AUTS2: variants seen among roughly 807,000 people sequenced by gnomAD.
The protein encoded by AUTS2 is activator of transcription and developmental regulator AUTS2.
Under a neutral mutation model 112.4 loss-of-function variants are expected in AUTS2, and 17 were observed. That is an observed-to-expected ratio of 0.15 (90% CI 0.10 to 0.23). The LOEUF (loss-of-function observed/expected upper bound fraction) is 0.23, where lower values mean the gene tolerates loss of function less well. Ranked by LOEUF, AUTS2 falls within the 10% of genes least tolerant of loss-of-function variation. The probability of loss-of-function intolerance (pLI) is 1.00; values close to 1 mark genes in which losing one functional copy is unlikely to be tolerated. For synonymous variants in AUTS2, 751 were observed against 702.7 expected (o/e 1.07, Z -1.09); for missense variants, 1,510 against 1,701.6 (o/e 0.89, Z 1.98).
intron 2 of AUTS2, among the ~76,000 whole-genome samples, chr7:70,052,294 G>A (rs1183717442): frequency 6.6e-6 from 1 of 152,042 alleles, no homozygotes; most frequent in African/African-American, 2.4e-5. Context: ...TGGCCAAGGG[G>A]GAATGACAGG....
rs566900864 is a variant in AUTS2, at chr7:69,613,416, TTC to T, written c.309+13458_309+13459del. 1.8e-4 allele frequency among the ~76,000 whole-genome samples: 27 copies of T among 152,362 alleles called. 1 individual carries two copies. The South Asian group carries it at 3.7e-3, about 21-fold the overall frequency. ...TCTGTAACATATTCGTTGTTGTTTTTTCTCTGTTTCACTGTTTCTCCCTGTTA... is the reference window on the plus strand; with the variant it reads ...TCTGTAACATATTCGTTGTTGTTTTTTCTGTTTCACTGTTTCTCCCTGTTA... On this transcript the variant is annotated intron_variant, in intron 1 of 18. Coordinates refer to ENST00000342771, the MANE Select transcript of AUTS2 (RefSeq NM_015570.4).
chr7:70,356,752 A>G (rs969771253), intron 4 of AUTS2, among the ~76,000 whole-genome samples: 4 of 139,234 alleles, frequency 2.9e-5, no homozygotes, highest in Non-Finnish European at 6.1e-5. Flanking sequence ...GTTTTGTACC[A>G]CACTGAAAAT....
At chr7:70,431,418 C>T (rs760584272) in intron 4 of AUTS2, among the ~76,000 whole-genome samples, 28 of 152,098 alleles carry the variant, frequency 1.8e-4, no homozygotes, top group Non-Finnish European at 3.2e-4. Context: ...GTTTTTGAGA[C>T]GAAGTCTCGC....
chr7:70,239,800 T>C (rs1311001049), intron 4 of AUTS2, among the ~76,000 whole-genome samples: 1 of 152,198 alleles, frequency 6.6e-6, no homozygotes, highest in Non-Finnish European at 1.5e-5. Flanking sequence ...CTTGGAATTC[T>C]TGAAAAATTA....
chr7:70,192,994 A>G (rs1424523182), intron 4 of AUTS2, among the ~76,000 whole-genome samples: 1 of 152,254 alleles, frequency 6.6e-6, no homozygotes, highest in Admixed American at 6.5e-5. Context: ...AGTCAATCAG[A>G]GAAAGCCAGT....
intron 6 of AUTS2, among the ~76,000 whole-genome samples, chr7:70,702,767 C>T (rs1299552309): frequency 1.3e-5 from 2 of 152,092 alleles, no homozygotes; most frequent in African/African-American, 4.8e-5. Flanking sequence ...AGAAGAGCAC[C>T]AGACGCAACG....
At chr7:69,793,177 G>T (rs1789694379) in intron 1 of AUTS2, among the ~76,000 whole-genome samples, 1 of 152,204 alleles carries the variant, frequency 6.6e-6, no homozygotes, top group Non-Finnish European at 1.5e-5. Flanking sequence ...AGGCCTACTA[G>T]GGAAGAGGTG....
At chr7:69,770,158 T>C (rs1004231528) in intron 1 of AUTS2, among the ~76,000 whole-genome samples, 3 of 152,208 alleles carry the variant, frequency 2.0e-5, no homozygotes, top group African/African-American at 7.2e-5. Flanking sequence ...CATCTTTTAT[T>C]GAGAGGCTAT....
intron 5 of AUTS2, among the ~76,000 whole-genome samples, chr7:70,651,338 C>T (rs374185855): frequency 4.6e-5 from 7 of 152,156 alleles, no homozygotes; most frequent in Non-Finnish European, 7.4e-5. Flanking sequence ...AGCAAACTCA[C>T]GAAACTGGGA....
chr7:70,659,660 T>C (rs1332665591), intron 5 of AUTS2, among the ~76,000 whole-genome samples: 1 of 152,170 alleles, frequency 6.6e-6, no homozygotes, highest in Non-Finnish European at 1.5e-5. Context: ...CCTGGAACTG[T>C]TATGGCTGGG....
intron 4 of AUTS2, among the ~76,000 whole-genome samples, chr7:70,277,954 A>G (rs35360801): frequency 0.27 from 38,463 of 140,356 alleles, 5,217 homozygotes; most frequent in African/African-American, 0.38. Flanking sequence ...GTGTGTATGT[A>G]TGTATGTGTG....
In AUTS2 at chr7:69,619,025, A is replaced by G. The variant is rs184425353; in HGVS notation, c.309+19063A>G. Among the ~76,000 whole-genome samples, 7 of 152,230 alleles carry G rather than the reference A, an allele frequency of 4.6e-5. No individual in the cohort carries two copies. In the East Asian group the frequency reaches 1.4e-3, roughly 29 times the overall value. On this transcript the variant is annotated intron_variant, in intron 1 of 18. Transcript: ENST00000342771. ...TTCTATCATGCAGTCAGGGTAAGAG[A>G]CCTGCTGTTTGGAGGGTTGTGTTTG...
At chr7:70,116,972 C>T (rs1167123123) in intron 2 of AUTS2, among the ~76,000 whole-genome samples, 6 of 152,086 alleles carry the variant, frequency 3.9e-5, no homozygotes, top group African/African-American at 1.4e-4. Context: ...ACTAGTACTC[C>T]ATATATTTAT....
At chr7:69,905,940 C>T (rs932169664) in intron 2 of AUTS2, among the ~76,000 whole-genome samples, 1 of 152,150 alleles carries the variant, frequency 6.6e-6, no homozygotes, top group African/African-American at 2.4e-5. Context: ...AAAACAGTGA[C>T]CTTTTATATT....
At chr7:70,534,432 GTTT>G (rs1362680951) in intron 5 of AUTS2, among the ~76,000 whole-genome samples, 10 of 150,594 alleles carry the variant, frequency 6.6e-5, no homozygotes, top group Middle Eastern at 3.4e-3. Flanking sequence ...TTGTTTGTTT[GTTT>G]GTTTGTTTTG....
chr7:70,516,725 G>A (rs73177708), intron 5 of AUTS2, among the ~76,000 whole-genome samples: 80 of 152,302 alleles, frequency 5.3e-4, no homozygotes, highest in Non-Finnish European at 1.1e-3. Flanking sequence ...GTACACGAAA[G>A]CACTTGTGTG....
chr7:69,962,372 C>T (rs1797466247), intron 2 of AUTS2, among the ~76,000 whole-genome samples: 1 of 152,098 alleles, frequency 6.6e-6, no homozygotes, highest in South Asian at 2.1e-4. Context: ...ATTTCTGCCT[C>T]CTGAAATGCT....
chr7:69,910,381 C>T (rs1357611433), intron 2 of AUTS2, among the ~76,000 whole-genome samples: 5 of 152,276 alleles, frequency 3.3e-5, no homozygotes, highest in Admixed American at 6.5e-5. Flanking sequence ...CTGCCAAGGG[C>T]GAGCCAGGCG....
rs111630401 is a variant in AUTS2 at position 70,209,616 on chromosome 7, C to T, written c.660+75045C>T. On this transcript the variant is annotated intron_variant, in intron 4 of 18. Transcript: ENST00000342771. The stretch of plus-strand genomic sequence containing the variant: ...AGTGAAGGAGATGAAGAAGGAGAAG[C>T]CAGTGATGTAACACAAGCATGGATC... Among the ~76,000 whole-genome samples the T allele has an allele frequency of 6.0e-3, 912 of 152,078 alleles. 14 individuals carry two copies. The highest frequency in any genetic ancestry group is 0.021 in the African/African-American group (868 of 41,466).
Sources: gnomAD v4.1 joint callset for allele counts (sites outside exome capture counted in the v4.1 genomes callset) on GRCh38, gnomAD v4.1.1 for gene constraint, MANE v1.5 for transcripts, NCBI Gene and HGNC (gene_info 2026-07-23, HGNC 2026-07-21) for gene names.